PRELID2: variants seen among roughly 807,000 people sequenced by gnomAD.
PRELID2 encodes PRELI domain-containing protein 2.
A neutral mutation model predicts 28.4 loss-of-function variants in PRELID2; 25 were observed. The ratio of observed to expected loss-of-function variants is 0.88; its 90% CI spans 0.64 to 1.23. PRELID2 has a LOEUF of 1.23. Among genes scored for constraint, PRELID2 ranks in the 50% most tolerant of loss-of-function variants. PRELID2 has a pLI of 0.00. For synonymous variants in PRELID2, 76 were observed against 71.6 expected, an observed-to-expected ratio of 1.06 and a Z score of -0.31; for missense variants, 201 against 214.4, an observed-to-expected ratio of 0.94 and a Z score of 0.39.
Position 145,563,971 on chromosome 5 carries a change from C to A in PRELID2, n.71-90656G>T, listed in dbSNP as rs62392706. Among the ~76,000 whole-genome samples the A allele has an allele frequency of 2.6e-5, 4 of 152,192 alleles. No homozygotes were observed. The South Asian group carries it at 8.3e-4, about 31-fold the overall frequency. On this transcript the variant is annotated intron_variant and non_coding_transcript_variant, in intron 1 of 2. Transcript: ENST00000510259. ...ATAAGAAGAGATGGATATATTAATT[C>A]ACCGACTGTCAAAGTCTTTTCACTA...
chr5:145,522,778 G>C (rs1045190816), intron 1 of PRELID2, among the ~76,000 whole-genome samples: 1 of 151,414 alleles, frequency 6.6e-6, no homozygotes, highest in Admixed American at 6.6e-5. Context: ...GGAGGAGGAG[G>C]AAGAGAAGGA....
At position 145,795,899 on chromosome 5, in the gene PRELID2, A is replaced by G. The variant is rs536881388; in HGVS notation, c.474+543T>C. The G allele has an allele frequency of 2.6e-5, 4 of 152,392 alleles. No homozygotes were observed. The South Asian group carries it at 8.3e-4, about 32-fold the overall frequency. The allele number at this position is 152,392 out of a possible 1,614,324, so 9.4% of individuals were successfully genotyped here. ...GCACACAGGACCTTAGAACTCCAAC[A>G]TGGCTTCTGAATCACTTTCATGGAA... On this transcript the variant is annotated intron_variant, in intron 5 of 6. Transcript: ENST00000683046.
At chr5:145,515,711 A>C (rs1461230942) in intron 1 of PRELID2, among the ~76,000 whole-genome samples, 1 of 152,132 alleles carries the variant, frequency 6.6e-6, no homozygotes, top group Non-Finnish European at 1.5e-5. Context: ...AGGCCAATAT[A>C]CCTGATGAAC....
At chr5:145,677,101 A>G (rs1754833559) in intron 1 of PRELID2, among the ~76,000 whole-genome samples, 1 of 150,268 alleles carries the variant, frequency 6.7e-6, no homozygotes, top group South Asian at 2.1e-4. Context: ...TTATTTTAGT[A>G]TAATGATTGT....
the PRELID2 span, among the ~76,000 whole-genome samples, chr5:145,338,692 G>A: frequency 2.0e-5 from 3 of 152,164 alleles, no homozygotes; most frequent in Non-Finnish European, 2.9e-5. Context: ...CTCTGTGACA[G>A]TTTCAATTCC....
At chr5:145,380,224 A>T in the PRELID2 span, among the ~76,000 whole-genome samples, 1 of 152,068 alleles carries the variant, frequency 6.6e-6, no homozygotes. Flanking sequence ...TGCCAGTTTA[A>T]CTCAATTATT....
chr5:145,548,937 CA>C (rs1333581800), intron 1 of PRELID2, among the ~76,000 whole-genome samples: 3 of 152,104 alleles, frequency 2.0e-5, no homozygotes. Context: ...TTGTACCCAC[CA>C]CCTCAAGTTC....
At chr5:145,599,572 G>A (rs1050833624) in intron 1 of PRELID2, among the ~76,000 whole-genome samples, 5 of 152,026 alleles carry the variant, frequency 3.3e-5, no homozygotes, top group Non-Finnish European at 7.4e-5. Context: ...TCTTACGCTC[G>A]AGATACTTGA....
intron 1 of PRELID2, among the ~76,000 whole-genome samples, chr5:145,662,966 A>G (rs1374771817): frequency 6.6e-6 from 1 of 152,182 alleles, no homozygotes; most frequent in African/African-American, 2.4e-5. Flanking sequence ...TCGACAGTGA[A>G]AATATAATGG....
the PRELID2 span, among the ~76,000 whole-genome samples, chr5:145,248,783 G>A: frequency 6.6e-6 from 1 of 152,002 alleles, no homozygotes; most frequent in East Asian, 1.9e-4. Flanking sequence ...GCAACAGAGC[G>A]AGATTCTATC....
At chr5:145,821,191 T>TTATG (rs1234349533) in intron 2 of PRELID2, among the ~76,000 whole-genome samples, 1 of 31,454 alleles carries the variant, frequency 3.2e-5, no homozygotes, top group Non-Finnish European at 7.7e-5. Context: ...GTAAGTCCTC[T>TTATG]TCTGTGTGTG....
At chr5:145,720,204 T>A (rs1033111154) in intron 1 of PRELID2, among the ~76,000 whole-genome samples, 2 of 151,082 alleles carry the variant, frequency 1.3e-5, no homozygotes, top group Non-Finnish European at 1.5e-5. Context: ...TTTCAGAAAA[T>A]GTTCAGGAAA....
the PRELID2 span, among the ~76,000 whole-genome samples, chr5:145,245,710 C>T: frequency 6.6e-6 from 1 of 152,012 alleles, no homozygotes; most frequent in South Asian, 2.1e-4. Context: ...TCAGTGGATT[C>T]AAGCAGCTCT....
At chr5:145,373,146 A>G in the PRELID2 span, among the ~76,000 whole-genome samples, 1 of 45,218 alleles carries the variant, frequency 2.2e-5, no homozygotes, top group East Asian at 1.7e-3. Flanking sequence ...TACAACATAT[A>G]TAATATATAT....
chr5:145,418,465 T>A, the PRELID2 span, among the ~76,000 whole-genome samples: 1 of 152,108 alleles, frequency 6.6e-6, no homozygotes, highest in African/African-American at 2.4e-5. Flanking sequence ...ACTGGAGGCA[T>A]CATGTTAACC....
At chr5:145,494,755 A>T (rs1007100049) in intron 1 of PRELID2, among the ~76,000 whole-genome samples, 3 of 152,216 alleles carry the variant, frequency 2.0e-5, no homozygotes, top group African/African-American at 7.2e-5. Flanking sequence ...AGACAATTCA[A>T]ATTAATTTCC....
chr5:145,249,955 C>CTCTCTT, the PRELID2 span, among the ~76,000 whole-genome samples: 2 of 151,604 alleles, frequency 1.3e-5, no homozygotes, highest in African/African-American at 4.9e-5. Flanking sequence ...CTCTCTCTCT[C>CTCTCTT]TCTCTCTCTC....
chr5:145,383,886 G>GTA, the PRELID2 span, among the ~76,000 whole-genome samples: 37 of 151,596 alleles, frequency 2.4e-4, no homozygotes, highest in African/African-American at 5.6e-4. Flanking sequence ...ATGTATGTGT[G>GTA]TATATATATA....
the PRELID2 span, among the ~76,000 whole-genome samples, chr5:145,274,782 G>A: frequency 1.4e-4 from 22 of 152,218 alleles, no homozygotes; most frequent in Non-Finnish European, 2.1e-4. Context: ...CCAGTTTGAC[G>A]TAGAGAATGC....
Sources: allele counts gnomAD v4.1 joint callset (sites outside exome capture counted in the v4.1 genomes callset), GRCh38; gene constraint gnomAD v4.1.1; transcripts MANE v1.5; gene names NCBI Gene and HGNC (gene_info 2026-07-23, HGNC 2026-07-21).